The following INTS4 variants were observed in gnomAD, a reference collection of about 807,000 sequenced individuals.
The protein encoded by INTS4 is MSTP093.
INTS4 carries 70 observed loss-of-function variants against 119.5 expected under a neutral mutation model. The ratio of observed to expected loss-of-function variants is 0.59; its 90% CI spans 0.48 to 0.71. The LOEUF (loss-of-function observed/expected upper bound fraction) is 0.71. INTS4 is among the 30% of genes least tolerant of loss of function. The probability of loss-of-function intolerance (pLI) is 0.00; values close to 1 mark genes in which losing one functional copy is unlikely to be tolerated. For missense variants in INTS4, 867 were observed against 1,173.2 expected (o/e 0.74, Z 3.81); for synonymous variants, 316 against 419.6 (o/e 0.75, Z 3.02).
intron 1 of INTS4, among the ~76,000 whole-genome samples, chr11:77,993,151 C>G (rs1202302703): frequency 6.6e-6 from 1 of 152,152 alleles, no homozygotes; most frequent in Admixed American, 6.6e-5. Flanking sequence ...GCCCTATTGT[C>G]CATCTCCAGG....
At chr11:77,981,348 C>G (rs1043667680) in intron 3 of INTS4, 111 bp downstream of exon 3, 3 of 460,454 alleles carry the variant, frequency 6.5e-6, no homozygotes, top group Non-Finnish European at 1.2e-5. Context: ...TTAAATTATC[C>G]TCAAATTCCT....
chr11:77,885,223 G>A (rs991946097), intron 21 of INTS4, among the ~76,000 whole-genome samples: 4 of 151,972 alleles, frequency 2.6e-5, no homozygotes, highest in South Asian at 2.1e-4. Flanking sequence ...GATTACAGGC[G>A]CCCACCGTCA....
chr11:77,975,582 A>G (rs991660005), intron 4 of INTS4, among the ~76,000 whole-genome samples: 1 of 152,196 alleles, frequency 6.6e-6, no homozygotes, highest in Non-Finnish European at 1.5e-5. Context: ...GTTATGAATC[A>G]CAGATAGCCT....
chr11:77,894,408 A>T (rs1952421301), intron 18 of INTS4, 59 bp from the exon 19 acceptor site: 9 of 874,712 alleles, frequency 1.0e-5, no homozygotes, highest in Non-Finnish European at 1.3e-5. Flanking sequence ...AGGAGGACCA[A>T]AAGTCCCAGA....
intron 6 of INTS4, among the ~76,000 whole-genome samples, chr11:77,959,135 C>G (rs1328640767): frequency 6.6e-6 from 1 of 152,212 alleles, no homozygotes; most frequent in Non-Finnish European, 1.5e-5. Context: ...ACTGTTCTCA[C>G]AGGTTCAAAC....
At chr11:77,943,427 G>C (rs1372472379) in intron 8 of INTS4, among the ~76,000 whole-genome samples, 1 of 152,196 alleles carries the variant, frequency 6.6e-6, no homozygotes, top group Non-Finnish European at 1.5e-5. Flanking sequence ...CAAGAAGGAA[G>C]AACTGATATG....
Position 77,986,825 on chromosome 11 carries a change from C to T in INTS4, c.246+4283G>A, listed in dbSNP as rs558643211. Among the ~76,000 whole-genome samples, 11 of 108,836 alleles carry T rather than the reference C, an allele frequency of 1.0e-4. No individual in the cohort carries two copies. The East Asian group carries it at 1.7e-3, about 17-fold the overall frequency. The allele number at this position is 108,836 out of a possible 152,430, so 71.4% of individuals were successfully genotyped here. On this transcript the variant is annotated intron_variant, in intron 2 of 22. Transcript: ENST00000534064. ...ACACAGGGCGGGAAACATCACACAC[C>T]GGGGCCTGTTGGGGAGTGGGGGGCT...
At chr11:77,887,657 G>T (rs943855123) in intron 21 of INTS4, among the ~76,000 whole-genome samples, 1 of 152,126 alleles carries the variant, frequency 6.6e-6, no homozygotes, top group African/African-American at 2.4e-5. Context: ...TGACATGATT[G>T]TATATCTAGA....
At chr11:77,978,779 T>C in intron 4 of INTS4, 1 of 268,548 alleles carries the variant, frequency 3.7e-6, no homozygotes, top group Non-Finnish European at 7.3e-6. Flanking sequence ...GCAGAGTGCA[T>C]TATTAGGCAC....
At chr11:77,972,853 G>C (rs1281342720) in intron 4 of INTS4, among the ~76,000 whole-genome samples, 1 of 146,048 alleles carries the variant, frequency 6.8e-6, no homozygotes, top group Admixed American at 6.9e-5. Flanking sequence ...TTTTAATACA[G>C]ATAGGGTCTC....
chr11:77,894,184 A>G, intron 19 of INTS4, 106 bp downstream of exon 19: 2 of 619,908 alleles, frequency 3.2e-6, no homozygotes, highest in South Asian at 2.0e-5. Flanking sequence ...GCTTGGCTGC[A>G]CAAGCTAAAC....
intron 16 of INTS4, 22 bp from the exon 17 acceptor site, chr11:77,903,642 G>A (rs1952848259): frequency 6.3e-7 from 1 of 1,594,434 alleles, no homozygotes; most frequent in Admixed American, 1.7e-5. Context: ...AATCAGGAGG[G>A]AACAGAATAC....
chr11:77,885,537 G>A (rs1951968007), intron 21 of INTS4, among the ~76,000 whole-genome samples: 1 of 151,954 alleles, frequency 6.6e-6, no homozygotes, highest in Non-Finnish European at 1.5e-5. Context: ...TGAAGGGGAG[G>A]GCCGGGCACA....
intron 10 of INTS4, among the ~76,000 whole-genome samples, chr11:77,931,073 C>T (rs1416460576): frequency 1.3e-5 from 2 of 152,020 alleles, no homozygotes. Context: ...ATGACTGTTG[C>T]CATGGAAAAG....
At chr11:77,896,891 T>C (rs1050688741) in intron 18 of INTS4, among the ~76,000 whole-genome samples, 5 of 150,208 alleles carry the variant, frequency 3.3e-5, no homozygotes, top group African/African-American at 9.8e-5. Context: ...AGAAAACACA[T>C]ACCTAGACAT....
chr11:77,952,358 A>G (rs984192985), intron 8 of INTS4, among the ~76,000 whole-genome samples: 5 of 152,214 alleles, frequency 3.3e-5, no homozygotes, highest in Non-Finnish European at 5.9e-5. Context: ...AAATTATACC[A>G]CATTCCTAAA....
At position 77,937,481 on chromosome 11, in the gene INTS4, C is replaced by T. The variant is rs762377393; in HGVS notation, c.1165+1170G>A. On this transcript the variant is annotated intron_variant, in intron 10 of 22. Coordinates refer to ENST00000534064, the MANE Select transcript of INTS4 (RefSeq NM_033547.4). ...GGTAGAGGCCATGCACAGTGGCTCA[C>T]GCCCGCAATCTCAACACTTTAGGAG... is the stretch of plus-strand genomic sequence containing the variant. 2.6e-5 allele frequency among the ~76,000 whole-genome samples: 4 copies of T among 152,290 alleles called. No individual in the cohort carries two copies. The East Asian group carries it at 5.8e-4, about 22-fold the overall frequency.
intron 10 of INTS4, among the ~76,000 whole-genome samples, chr11:77,929,078 T>C (rs1437308951): frequency 6.6e-6 from 1 of 151,418 alleles, no homozygotes; most frequent in East Asian, 1.9e-4. Flanking sequence ...CCAGGTGCAG[T>C]GCCATACACC....
intron 18 of INTS4, among the ~76,000 whole-genome samples, chr11:77,896,604 T>A (rs1790235): frequency 0.75 from 111,401 of 148,934 alleles, 42,352 homozygotes; most frequent in African/African-American, 0.89. Context: ...GGGAGCTGAG[T>A]TTGTGCCATT....
Sources: gnomAD v4.1 joint callset for allele counts (sites outside exome capture counted in the v4.1 genomes callset) on GRCh38, gnomAD v4.1.1 for gene constraint, MANE v1.5 for transcripts, NCBI Gene and HGNC (gene_info 2026-07-23, HGNC 2026-07-21) for gene names.